Variants in RBM25 observed in about 807,000 individuals in gnomAD.
The protein encoded by RBM25 is RNA binding motif protein 25.
Under a neutral mutation model 120.7 loss-of-function variants are expected in RBM25, and 19 were observed. That is an observed-to-expected ratio of 0.16 (90% CI 0.11 to 0.23). The LOEUF (loss-of-function observed/expected upper bound fraction) is 0.23. Among genes scored for constraint, RBM25 ranks in the 10% least tolerant of loss-of-function variants. The probability of loss-of-function intolerance (pLI) is 1.00; values close to 1 mark genes in which losing one functional copy is unlikely to be tolerated. For missense variants in RBM25, 605 were observed against 1,041.5 expected (o/e 0.58, Z 5.77); for synonymous variants, 390 against 326.7 (o/e 1.19, Z -2.09).
chr14:73,116,865 A>G (rs1029213712), intron 18 of RBM25, among the ~76,000 whole-genome samples: 5 of 152,202 alleles, frequency 3.3e-5, no homozygotes, highest in Admixed American at 1.3e-4. Context: ...CAGTTGAGCT[A>G]GTGTTGTCAA....
chr14:73,076,942 T>G (rs1266039816), intron 3 of RBM25, among the ~76,000 whole-genome samples: 1 of 152,188 alleles, frequency 6.6e-6, no homozygotes, highest in Non-Finnish European at 1.5e-5. Context: ...TTATCTAGGC[T>G]TGGTGGTGCG....
chr14:73,072,809 T>G (rs537185142), intron 2 of RBM25, among the ~76,000 whole-genome samples: 1 of 152,366 alleles, frequency 6.6e-6, no homozygotes, highest in African/African-American at 2.4e-5. Flanking sequence ...AAGAAATTTT[T>G]CTTTTGACTT....
Position 73,103,999 on chromosome 14 carries a change from C to CTA in RBM25, c.1154+522_1154+523insAT, listed in dbSNP as rs1594928547. ...ACACACACACACACACACACACTCT[C>CTA]TCTCTCTCTCTCTCTCTCACTATGG... On this transcript the variant is annotated intron_variant, in intron 10 of 18. Transcript: ENST00000261973. 2.1e-5 allele frequency among the ~76,000 whole-genome samples: 3 copies of CTA among 144,442 alleles called. No individual in the cohort carries two copies. In the East Asian group the frequency reaches 5.9e-4, roughly 28 times the overall value. The allele number at this position is 144,442 out of a possible 152,430, so 94.8% of individuals were successfully genotyped here.
At chr14:73,110,031 C>T (rs1249380648) in intron 14 of RBM25, among the ~76,000 whole-genome samples, 1 of 150,392 alleles carries the variant, frequency 6.6e-6, no homozygotes, top group East Asian at 2.0e-4. Context: ...GTTACAGGCA[C>T]GTGCCACCAC....
chr14:73,095,726 G>A (rs1895927844), intron 6 of RBM25, among the ~76,000 whole-genome samples: 1 of 152,188 alleles, frequency 6.6e-6, no homozygotes, highest in Non-Finnish European at 1.5e-5. Flanking sequence ...TTACTGCTAA[G>A]TTACATTGTT....
chr14:73,084,112 G>T (rs978976325), intron 5 of RBM25, among the ~76,000 whole-genome samples: 1 of 151,934 alleles, frequency 6.6e-6, no homozygotes, highest in African/African-American at 2.4e-5. Flanking sequence ...TGGCCAGGCT[G>T]GTCTCAAACT....
At chr14:73,094,970 C>A (rs566565231) in intron 6 of RBM25, among the ~76,000 whole-genome samples, 3 of 151,932 alleles carry the variant, frequency 2.0e-5, no homozygotes, top group African/African-American at 7.2e-5. Flanking sequence ...AATTCTCTTG[C>A]CTCAGCCTCC....
intron 10 of RBM25, among the ~76,000 whole-genome samples, chr14:73,103,994 A>ACTCTCTCTCTCT (rs1209592511): frequency 1.0e-5 from 1 of 99,394 alleles, no homozygotes; most frequent in African/African-American, 3.9e-5. Context: ...ACACACACAC[A>ACTCTCTCTCTCT]CTCTCTCTCT....
intron 1 of RBM25, among the ~76,000 whole-genome samples, chr14:73,066,343 A>G (rs1031561985): frequency 6.6e-6 from 1 of 152,116 alleles, no homozygotes; most frequent in Non-Finnish European, 1.5e-5. Context: ...AGTATATTAA[A>G]TCCTCCTAAG....
intron 18 of RBM25, among the ~76,000 whole-genome samples, chr14:73,118,074 G>T (rs1896472144): frequency 6.6e-6 from 1 of 152,216 alleles, no homozygotes; most frequent in South Asian, 2.1e-4. Context: ...GCCCCGTGAT[G>T]ATTGTATTTG....
intron 6 of RBM25, among the ~76,000 whole-genome samples, chr14:73,095,437 C>G (rs1895921019): frequency 1.3e-5 from 2 of 151,680 alleles, no homozygotes; most frequent in Non-Finnish European, 1.5e-5. Flanking sequence ...ACCCCCATCT[C>G]TACTAAAAAT....
chr14:73,088,200 G>A lies in RBM25; in HGVS notation c.543+39G>A, dbSNP rs777144093. On this transcript the variant is annotated intron_variant, in intron 6 of 18. Transcript: ENST00000261973. ...CGTGTTATCTTTTCTAGGCCAGACT[G>A]TGCTATTTCAGTGTAGTGCTTCTCA... 7 of 1,608,768 alleles carry A rather than the reference G, an allele frequency of 4.4e-6. No individual in the cohort carries two copies. In the Admixed American group the frequency reaches 1.2e-4, roughly 27 times the overall value.
chr14:73,119,685 A>G, intron 18 of RBM25, 28 bp from the exon 19 acceptor site: 6 of 1,608,988 alleles, frequency 3.7e-6, no homozygotes, highest in Non-Finnish European at 5.1e-6. Context: ...CTTCTCTTAC[A>G]TGTGTTGCTG....
At chr14:73,109,293 C>G (rs1240744929) in intron 13 of RBM25, 49 bp from the exon 14 acceptor site, 1 of 1,571,810 alleles carries the variant, frequency 6.4e-7, no homozygotes, top group Non-Finnish European at 8.6e-7. Context: ...ATGTTTACTT[C>G]TCAATGATCG....
At chr14:73,073,719 A>G (rs1895347738) in intron 2 of RBM25, among the ~76,000 whole-genome samples, 1 of 152,210 alleles carries the variant, frequency 6.6e-6, no homozygotes, top group South Asian at 2.1e-4. Flanking sequence ...ACAACTGTTT[A>G]TGCATGTATA....
intron 2 of RBM25, among the ~76,000 whole-genome samples, chr14:73,073,997 C>G (rs1457750731): frequency 1.3e-5 from 2 of 152,080 alleles, no homozygotes; most frequent in African/African-American, 2.4e-5. Flanking sequence ...AAAGTTTTTT[C>G]TTAAAATGAA....
intron 7 of RBM25, 91 bp downstream of exon 7, chr14:73,097,191 C>CTT (rs202085217): frequency 8.0e-6 from 3 of 375,724 alleles, no homozygotes; most frequent in African/African-American, 2.8e-5. Flanking sequence ...TTTCTTTTTT[C>CTT]TTTTCTTTTT....
intron 17 of RBM25, among the ~76,000 whole-genome samples, chr14:73,113,916 A>G (rs1465486950): frequency 6.6e-6 from 1 of 152,206 alleles, no homozygotes; most frequent in Non-Finnish European, 1.5e-5. Flanking sequence ...CTTTAATAAA[A>G]CAGTTAACAT....
chr14:73,076,505 T>C, intron 3 of RBM25, 137 bp downstream of exon 3: 1 of 738,462 alleles, frequency 1.4e-6, no homozygotes, highest in Non-Finnish European at 2.2e-6. Flanking sequence ...CTGTAGAGCA[T>C]ATCATTTATT....
Sources: allele counts gnomAD v4.1 joint callset (sites outside exome capture counted in the v4.1 genomes callset), GRCh38; gene constraint gnomAD v4.1.1; transcripts MANE v1.5; gene names NCBI Gene and HGNC (gene_info 2026-07-23, HGNC 2026-07-21).